CACNA2D2: variants seen among roughly 807,000 people sequenced by gnomAD.
The protein encoded by CACNA2D2 is calcium voltage-gated channel auxiliary subunit alpha2delta 2, also known as voltage-dependent calcium channel subunit alpha-2/delta-2.
In CACNA2D2, 48 loss-of-function variants were observed where a neutral mutation model predicts 166.4. That is an observed-to-expected ratio of 0.29 (90% confidence interval 0.23 to 0.37). CACNA2D2 has a LOEUF of 0.37. CACNA2D2 is among the 10% of genes least tolerant of loss of function. The probability of loss-of-function intolerance (pLI) is 1.00; values close to 1 mark genes in which losing one functional copy is unlikely to be tolerated. For missense variants in CACNA2D2, 1,122 were observed against 1,433.0 expected, an observed-to-expected ratio of 0.78 and a Z score of 3.50; for synonymous variants, 561 against 573.7, an observed-to-expected ratio of 0.98 and a Z score of 0.32.
At chr3:50,430,248 G>A (rs1023555955) in intron 3 of CACNA2D2, among the ~76,000 whole-genome samples, 9 of 152,162 alleles carry the variant, frequency 5.9e-5, no homozygotes, top group Non-Finnish European at 1.0e-4. Flanking sequence ...GCTGAGCCTC[G>A]ATACCCCTGG....
Position 50,368,160 on chromosome 3 carries a change from T to C in CACNA2D2, c.2121A>G (p.Lys707=). 1 of 1,613,592 alleles carries C rather than the reference T, an allele frequency of 6.2e-7. No individual in the cohort carries two copies. The highest frequency in any genetic ancestry group is 8.5e-7 in the Non-Finnish European group (1 of 1,179,596). ...FLKNFIELME[K]VTPDSKQCNN... ...CACACTGCTTGGAGTCTGGAGTCAC[T>C]TTCTCCATGAGCTCAATAAAGTTTT... is the stretch of plus-strand genomic sequence containing the variant. Residue 707 remains lysine, a synonymous_variant, in exon 24 of 38, where the codon AAA becomes AAG. Coordinates refer to ENST00000424201, the MANE Select transcript of CACNA2D2 (RefSeq NM_006030.4).
chr3:50,375,166 G>C lies in CACNA2D2; in HGVS notation c.1908-353C>G, dbSNP rs587737636. 6.6e-6 allele frequency among the ~76,000 whole-genome samples: 1 copy of C among 152,230 alleles called. No individual in the cohort carries two copies. The highest frequency in any genetic ancestry group is 1.5e-5 in the Non-Finnish European group (1 of 68,034). ...AGCTGGCTGCAATGCCAGTGTTGCC[G>C]TGGGAGTGGGGTCACCAGCCCCCAG... On this transcript the variant is annotated intron_variant, in intron 21 of 37. Transcript: ENST00000424201. This position sits in a 1 kb window ranked among gnomAD's most constrained non-coding sequence, Gnocchi z 4.0.
At chr3:50,373,311 G>T (rs985142850) in intron 22 of CACNA2D2, among the ~76,000 whole-genome samples, 5 of 151,040 alleles carry the variant, frequency 3.3e-5, no homozygotes, top group Non-Finnish European at 7.4e-5. Flanking sequence ...TGAGCCCCCA[G>T]TCGGCCAGGC....
At chr3:50,496,759 T>C (rs995976670) in intron 1 of CACNA2D2, among the ~76,000 whole-genome samples, 3 of 152,124 alleles carry the variant, frequency 2.0e-5, no homozygotes, top group Non-Finnish European at 4.4e-5. Context: ...TGAGAGGCTG[T>C]GGAAGTTCCC....
intron 1 of CACNA2D2, among the ~76,000 whole-genome samples, chr3:50,489,616 ACTGGGGCTGGGGCTGGGGCTGGGG>A (rs57886892): frequency 7.4e-6 from 1 of 135,634 alleles, no homozygotes; most frequent in South Asian, 2.5e-4. Flanking sequence ...AGCCTCCAAA[ACTGGGGCTGGGGCTGGGGCTGGGG>A]CTGGGGCTGG....
Position 50,376,297 on chromosome 3 carries a change from C to T in CACNA2D2, c.1627-109G>A, listed in dbSNP as rs1704988638. 9.9e-6 allele frequency: 12 copies of T among 1,206,874 alleles called. No individual in the cohort carries two copies. The highest frequency in any genetic ancestry group is 2.5e-5 in the East Asian group (1 of 39,812). The allele number at this position is 1,206,874 out of a possible 1,614,324, so 74.8% of individuals were successfully genotyped here. A position where few individuals can be genotyped will look rare whatever the true frequency, so the allele number is the denominator to read the frequency against. On this transcript the variant is annotated intron_variant, in intron 17 of 37. Transcript: ENST00000424201. This position sits in a 1 kb window ranked among gnomAD's most constrained non-coding sequence, Gnocchi z 4.3. The stretch of plus-strand genomic sequence containing the variant: ...CCACCGCACCGAGAGATTCTGTTTG[C>T]CTGCCTTGGGCTAAGGGCCCCCCCA...
intron 3 of CACNA2D2, among the ~76,000 whole-genome samples, chr3:50,429,662 C>T (rs140536021): frequency 0.011 from 1,626 of 148,916 alleles, 26 homozygotes; most frequent in South Asian, 0.042. Context: ...CCCAGCTACT[C>T]GGGAGGCTGA....
In CACNA2D2 at chr3:50,365,019, A is replaced by T. The variant is rs760673288; in HGVS notation, c.3209-49T>A. 2 of 1,314,480 alleles carry T rather than the reference A, an allele frequency of 1.5e-6. No homozygotes were observed. Among genetic ancestry groups the T allele is most frequent in the Non-Finnish European group, 2.0e-6 (2 of 988,794 alleles). The allele number at this position is 1,314,480 out of a possible 1,614,324, so 81.4% of individuals were successfully genotyped here. On this transcript the variant is annotated intron_variant, in intron 36 of 37. Coordinates refer to ENST00000424201, the MANE Select transcript of CACNA2D2 (RefSeq NM_006030.4). The surrounding 1 kb of genome is among the most constrained non-coding windows in gnomAD (Gnocchi z 4.5). The stretch of plus-strand genomic sequence containing the variant: ...GAGGCGGACGGCGGCGGCGGCACGG[A>T]GGGGGCGCGCGGGGCAGAGGGGGAG...
In CACNA2D2 at chr3:50,365,713, C is replaced by G; in HGVS notation, c.2916-25G>C. ...CCTGCAGCGCACGGGGAGCCGAGTG[C>G]AGGTGGTCAGCAGAGGACGATGCCA... On this transcript the variant is annotated intron_variant, in intron 33 of 37. Coordinates refer to ENST00000424201, the MANE Select transcript of CACNA2D2 (RefSeq NM_006030.4). This position sits in a 1 kb window ranked among gnomAD's most constrained non-coding sequence, Gnocchi z 4.5. 1 of 1,596,582 alleles carries G rather than the reference C, an allele frequency of 6.3e-7. No individual in the cohort carries two copies. Among genetic ancestry groups the G allele is most frequent in the Non-Finnish European group, 8.5e-7 (1 of 1,171,980 alleles).
intron 2 of CACNA2D2, among the ~76,000 whole-genome samples, chr3:50,459,580 A>C (rs1350496143): frequency 1.3e-5 from 2 of 152,132 alleles, no homozygotes; most frequent in Non-Finnish European, 2.9e-5. Context: ...ATCAGTCTAA[A>C]AACTGTCCCC....
rs370983531 is a variant in CACNA2D2, at chr3:50,364,976, C to A, written c.3209-6G>T. 8 of 1,612,052 alleles carry A rather than the reference C, an allele frequency of 5.0e-6. No homozygotes were observed. In the Admixed American group the frequency reaches 5.0e-5, roughly 10 times the overall value. On this transcript the variant is annotated splice_polypyrimidine_tract_variant and splice_region_variant and intron_variant, in intron 36 of 37. Coordinates refer to ENST00000424201, the MANE Select transcript of CACNA2D2 (RefSeq NM_006030.4). The stretch of plus-strand genomic sequence containing the variant: ...ACACTGCTCCGGGCCGTCCGCTGGG[C>A]ATGGGTGGGGAGTCAAGGAGGCGGA...
At chr3:50,405,903 A>G (rs933652905) in intron 3 of CACNA2D2, among the ~76,000 whole-genome samples, 8 of 152,170 alleles carry the variant, frequency 5.3e-5, no homozygotes, top group African/African-American at 1.9e-4. Context: ...CCATGGTGCT[A>G]GCCAAACCAG....
intron 1 of CACNA2D2, among the ~76,000 whole-genome samples, chr3:50,492,825 T>G (rs1575779279): frequency 6.6e-6 from 1 of 150,964 alleles, no homozygotes; most frequent in Non-Finnish European, 1.5e-5. Flanking sequence ...TGGCTAGGGG[T>G]TGCCTGGAGG....
chr3:50,364,835 C>T (rs1354513640), intron 37 of CACNA2D2, 29 bp from the exon 38 acceptor site: 5 of 1,613,110 alleles, frequency 3.1e-6, no homozygotes, highest in Non-Finnish European at 4.2e-6. Flanking sequence ...AGCTGGTCGG[C>T]CTGGGCGGGC....
chr3:50,474,594 C>A (rs183277141), intron 2 of CACNA2D2, among the ~76,000 whole-genome samples: 4 of 152,326 alleles, frequency 2.6e-5, no homozygotes, highest in Admixed American at 2.6e-4. Flanking sequence ...TAAACAACAT[C>A]TTCAAGCTAA....
intron 2 of CACNA2D2, among the ~76,000 whole-genome samples, chr3:50,471,603 G>T (rs1710098865): frequency 6.6e-6 from 1 of 152,214 alleles, no homozygotes; most frequent in Non-Finnish European, 1.5e-5. Context: ...CACCCCCAGA[G>T]TCAGTGTGTG....
chr3:50,384,982 T>C (rs1705515835), intron 5 of CACNA2D2, among the ~76,000 whole-genome samples: 1 of 152,168 alleles, frequency 6.6e-6, no homozygotes, highest in Admixed American at 6.5e-5. Context: ...CTGGTAGCAG[T>C]AGGACTGAAA....
At chr3:50,388,543 G>A (rs1474849530) in intron 4 of CACNA2D2, among the ~76,000 whole-genome samples, 1 of 152,262 alleles carries the variant, frequency 6.6e-6, no homozygotes, top group Admixed American at 6.5e-5. Flanking sequence ...GTCTGCAGAT[G>A]GGAGTGGTGA....
chr3:50,410,488 G>T (rs955979552), intron 3 of CACNA2D2, among the ~76,000 whole-genome samples: 64 of 152,148 alleles, frequency 4.2e-4, no homozygotes, highest in African/African-American at 1.3e-3. Flanking sequence ...GATGGGGGGG[G>T]GGGTGTTGTC....
Sources: allele counts gnomAD v4.1 joint callset (sites outside exome capture counted in the v4.1 genomes callset), GRCh38; gene constraint gnomAD v4.1.1; non-coding constraint Gnocchi (gnomAD v3.1); transcripts MANE v1.5; gene names NCBI Gene and HGNC (gene_info 2026-07-23, HGNC 2026-07-21).